KCNU1: variants seen among roughly 807,000 people sequenced by gnomAD.
The protein encoded by KCNU1 is potassium calcium-activated channel subfamily U member 1, also known as potassium channel subfamily U member 1.
A neutral mutation model predicts 126.8 loss-of-function variants in KCNU1; 93 were observed. That is an observed-to-expected ratio of 0.73 (90% confidence interval 0.62 to 0.87). KCNU1 has a LOEUF of 0.87. KCNU1 is among the 40% of genes least tolerant of loss of function. The probability of loss-of-function intolerance (pLI) is 0.00; values close to 1 mark genes in which losing one functional copy is unlikely to be tolerated. For synonymous variants in KCNU1, 523 were observed against 494.2 expected (o/e 1.06, Z -0.77); for missense variants, 1,330 against 1,367.1 (o/e 0.97, Z 0.43).
chr8:36,815,631 A>G lies in KCNU1; in HGVS notation c.939A>G (p.Glu313=). Residue 313 remains glutamate (E), a synonymous_variant, in exon 9 of 27, where the codon GAA becomes GAG. Coordinates refer to ENST00000399881, the MANE Select transcript of KCNU1 (RefSeq NM_001031836.3). The part of the protein sequence containing the change: ...LFANYIPEMV[E]LFANKRKYTS... ...CGAACTATATACCTGAAATGGTGGAACTGTTTGCTAACAAGAGGAAATACA... is the reference window on the plus strand; with the variant it reads ...CGAACTATATACCTGAAATGGTGGAGCTGTTTGCTAACAAGAGGAAATACA... 1 of 1,596,456 alleles carries G rather than the reference A, an allele frequency of 6.3e-7. No homozygotes were observed. Among genetic ancestry groups the G allele is most frequent in the Non-Finnish European group, 8.5e-7 (1 of 1,170,632 alleles).
chr8:36,899,076 T>G (rs1168924477), intron 19 of KCNU1, among the ~76,000 whole-genome samples: 2 of 152,088 alleles, frequency 1.3e-5, no homozygotes, highest in Non-Finnish European at 2.9e-5. Context: ...CTGGTAACAA[T>G]TTATACTCAG....
At chr8:36,909,172 A>G in intron 20 of KCNU1, 139 bp from the exon 21 acceptor site, 1 of 640,890 alleles carries the variant, frequency 1.6e-6, no homozygotes, top group East Asian at 2.5e-5. Flanking sequence ...TTTATAAACA[A>G]TTTGCAAAAT....
intron 2 of KCNU1, among the ~76,000 whole-genome samples, chr8:36,792,219 T>G (rs1802929260): frequency 1.3e-5 from 2 of 152,218 alleles, no homozygotes; most frequent in Non-Finnish European, 1.5e-5. Context: ...TTCAAAGCTC[T>G]GCAAGTTCTC....
rs778155465 is a variant in KCNU1, at chr8:36,909,475, G to A, written c.2271G>A (p.Leu757=). The A allele has an allele frequency of 1.9e-6, 3 of 1,613,404 alleles. No homozygotes were observed. Among genetic ancestry groups the A allele is most frequent in the Admixed American group, 1.7e-5 (1 of 60,008 alleles). Residue 757 remains leucine (L), a synonymous_variant, in exon 21 of 27, where the codon CTG becomes CTA. Transcript: ENST00000399881. ...AGGACATAGTGTTCATTGGGTCTCT[G>A]GACTATCTACAGAGAGAATGGCGAT... is the stretch of plus-strand genomic sequence containing the variant. ...ELKDIVFIGS[L]DYLQREWRFL...
chr8:36,837,575 C>T (rs1804798035), intron 14 of KCNU1, among the ~76,000 whole-genome samples: 1 of 152,176 alleles, frequency 6.6e-6, no homozygotes, highest in Non-Finnish European at 1.5e-5. Flanking sequence ...AGAGCTAGAA[C>T]TGTCTGGTCC....
At chr8:36,884,002 G>GA (rs1261571751) in intron 19 of KCNU1, among the ~76,000 whole-genome samples, 1 of 152,106 alleles carries the variant, frequency 6.6e-6, no homozygotes, top group Non-Finnish European at 1.5e-5. Context: ...TGTGGGGTTG[G>GA]GAAGACTTGC....
intron 2 of KCNU1, among the ~76,000 whole-genome samples, chr8:36,797,987 GA>G (rs1339280496): frequency 3.9e-5 from 6 of 152,328 alleles, no homozygotes; most frequent in Admixed American, 3.9e-4. Flanking sequence ...GACGAGGCAT[GA>G]AGCCTAGAGG....
chr8:36,879,692 G>A (rs1806403910), intron 19 of KCNU1, among the ~76,000 whole-genome samples: 3 of 152,064 alleles, frequency 2.0e-5, no homozygotes, highest in African/African-American at 4.8e-5. Flanking sequence ...GTAGGAATAA[G>A]AAAAAAATTA....
rs545627938 is a variant in KCNU1, at chr8:36,784,375, A to G, written c.-36A>G. Reference sequence around the variant, plus strand: ...TTACCAGGCGACCACGGCGTCATCAAATGACCTGGCAATTCCGTCTACTGA... The same window carrying G: ...TTACCAGGCGACCACGGCGTCATCAGATGACCTGGCAATTCCGTCTACTGA... On this transcript the variant is annotated 5_prime_UTR_variant, in exon 1 of 27. Transcript: ENST00000399881. 1 of 1,549,220 alleles carries G rather than the reference A, an allele frequency of 6.5e-7. No homozygotes were observed. Among genetic ancestry groups the G allele is most frequent in the Non-Finnish European group, 8.8e-7 (1 of 1,133,190 alleles).
chr8:36,825,219 AT>A (rs1399540733), intron 10 of KCNU1, among the ~76,000 whole-genome samples: 1 of 152,036 alleles, frequency 6.6e-6, no homozygotes, highest in Non-Finnish European at 1.5e-5. Context: ...TTTAATTAAC[AT>A]TTTCCTCATT....
chr8:36,895,461 C>T (rs990401011), intron 19 of KCNU1, among the ~76,000 whole-genome samples: 2 of 152,056 alleles, frequency 1.3e-5, no homozygotes, highest in Non-Finnish European at 2.9e-5. Flanking sequence ...TATTTCCGAA[C>T]ACTAAATGAC....
chr8:36,909,294 G>A lies in KCNU1; in HGVS notation c.2107-17G>A. The A allele has an allele frequency of 6.6e-7, 1 of 1,520,900 alleles. No homozygotes were observed. The highest frequency in any genetic ancestry group is 9.1e-7 in the Non-Finnish European group (1 of 1,095,620). 94.2% of individuals were successfully genotyped at this position (1,520,900 alleles called of 1,614,324 possible). A position where few individuals can be genotyped will look rare whatever the true frequency, so the allele number is the denominator to read the frequency against. ...TTGCTTATGAAAATGACCAGACTGT[G>A]GCATCCTTATCCTTAGAAACGAACT... On this transcript the variant is annotated splice_polypyrimidine_tract_variant and intron_variant, in intron 20 of 26. Coordinates refer to ENST00000399881, the MANE Select transcript of KCNU1 (RefSeq NM_001031836.3).
intron 19 of KCNU1, among the ~76,000 whole-genome samples, chr8:36,893,605 G>C (rs934918651): frequency 7.9e-5 from 12 of 152,010 alleles, no homozygotes; most frequent in Admixed American, 2.0e-4. Flanking sequence ...TTATTGTAAG[G>C]CTTCTGATCT....
At chr8:36,888,014 T>G (rs1231278100) in intron 19 of KCNU1, among the ~76,000 whole-genome samples, 1 of 152,116 alleles carries the variant, frequency 6.6e-6, no homozygotes, top group Non-Finnish European at 1.5e-5. Context: ...AACTCAGTTT[T>G]TAAAGATTTT....
At position 36,911,128 on chromosome 8, in the gene KCNU1, A is replaced by T; in HGVS notation, c.2521+9A>T. 6.3e-7 allele frequency: 1 copy of T among 1,591,660 alleles called. No homozygotes were observed. On this transcript the variant is annotated intron_variant, in intron 22 of 26. Coordinates refer to ENST00000399881, the MANE Select transcript of KCNU1 (RefSeq NM_001031836.3). ...GTCACCCTCAGTGTCAGGTGAGAAC[A>T]GCACCCCTGAAAAGAAGAAACTAGG...
chr8:36,787,505 C>A, intron 2 of KCNU1, 80 bp downstream of exon 2: 1 of 1,385,960 alleles, frequency 7.2e-7, no homozygotes. Context: ...CAATTGATTC[C>A]CTAGGTAAAC....
intron 19 of KCNU1, among the ~76,000 whole-genome samples, chr8:36,865,318 T>G (rs780471099): frequency 6.6e-6 from 1 of 152,086 alleles, no homozygotes; most frequent in Non-Finnish European, 1.5e-5. Context: ...AAATTAAGAA[T>G]AAAACTACTA....
At chr8:36,804,138 G>T in intron 3 of KCNU1, 50 bp downstream of exon 3, 1 of 1,269,756 alleles carries the variant, frequency 7.9e-7, no homozygotes, top group Non-Finnish European at 1.1e-6. Flanking sequence ...TACATTGCTC[G>T]GCTAATTTGG....
chr8:36,906,789 G>A (rs1037131432), intron 20 of KCNU1, among the ~76,000 whole-genome samples: 1 of 152,116 alleles, frequency 6.6e-6, no homozygotes, highest in African/African-American at 2.4e-5. Context: ...ACACGAAACT[G>A]TCAGAGCTGT....
Sources: gnomAD v4.1 joint callset for allele counts (sites outside exome capture counted in the v4.1 genomes callset) on GRCh38, gnomAD v4.1.1 for gene constraint, MANE v1.5 for transcripts, NCBI Gene and HGNC (gene_info 2026-07-23, HGNC 2026-07-21) for gene names.